PTCHD4: variants seen among roughly 807,000 people sequenced by gnomAD.
PTCHD4 encodes patched domain containing 4, also known as patched domain-containing protein 4.
PTCHD4 carries 33 observed loss-of-function variants against 58.1 expected under a neutral mutation model. That is an observed-to-expected ratio of 0.57 (90% CI 0.43 to 0.76). The LOEUF is 0.76. Ranked by LOEUF, PTCHD4 falls within the 30% of genes least tolerant of loss-of-function variation. The probability of loss-of-function intolerance (pLI) is 0.00; values close to 1 mark genes in which losing one functional copy is unlikely to be tolerated. For synonymous variants in PTCHD4, 478 were observed against 409.6 expected (o/e 1.17, Z -2.02); for missense variants, 1,058 against 1,027.1 (o/e 1.03, Z -0.41).
chr6:48,090,914 A>G (rs1765353246), intron 1 of PTCHD4, among the ~76,000 whole-genome samples: 1 of 152,206 alleles, frequency 6.6e-6, no homozygotes, highest in African/African-American at 2.4e-5. Flanking sequence ...TTTTTTTACA[A>G]CTTTAATTTG....
At chr6:47,907,795 A>T (rs1256627806) in intron 4 of PTCHD4, among the ~76,000 whole-genome samples, 3 of 152,066 alleles carry the variant, frequency 2.0e-5, no homozygotes, top group East Asian at 1.9e-4. Flanking sequence ...TTCCAATTCC[A>T]CCTGTGGCAA....
rs148847302 is a variant in PTCHD4 at position 47,914,744 on chromosome 6, T to TTATCTATC, written c.899-34816_899-34809dup. Among the ~76,000 whole-genome samples, 915 of 116,224 alleles carry TTATCTATC rather than the reference T, an allele frequency of 7.9e-3. 3 individuals carry two copies. The highest frequency in any genetic ancestry group is 9.3e-3 in the Non-Finnish European group (475 of 51,266). The allele number at this position is 116,224 out of a possible 152,430, so 76.2% of individuals were successfully genotyped here. A position where few individuals can be genotyped will look rare whatever the true frequency, so the allele number is the denominator to read the frequency against. ...TGTCTATCTATCTATTATCTATCTA[T>TTATCTATC]TATCTATCTATCTATCTATCTATCT... On this transcript the variant is annotated intron_variant, in intron 4 of 4. Transcript: ENST00000339488.
intron 4 of PTCHD4, among the ~76,000 whole-genome samples, chr6:47,972,411 T>C (rs1377004236): frequency 6.6e-6 from 1 of 152,128 alleles, no homozygotes; most frequent in East Asian, 1.9e-4. Flanking sequence ...TTTCAAAATA[T>C]TTTATGATAG....
chr6:47,890,935 C>A lies in PTCHD4; in HGVS notation c.899-10999G>T, dbSNP rs1266934903. On this transcript the variant is annotated intron_variant, in intron 4 of 4. Transcript: ENST00000339488. Reference sequence around the variant, plus strand: ...TTCGAAAATGAATATGGGCCGTTCACTGTGGCTCACACCTGTAATCCCAGC... The same window carrying A: ...TTCGAAAATGAATATGGGCCGTTCAATGTGGCTCACACCTGTAATCCCAGC... 4 of 977,360 alleles carry A rather than the reference C, an allele frequency of 4.1e-6. No individual in the cohort carries two copies. The African/African-American group carries it at 5.3e-5, about 13-fold the overall frequency. The allele number at this position is 977,360 out of a possible 1,614,324, so 60.5% of individuals were successfully genotyped here. A position where few individuals can be genotyped will look rare whatever the true frequency, so the allele number is the denominator to read the frequency against.
chr6:47,960,672 A>C (rs57241329), intron 4 of PTCHD4, among the ~76,000 whole-genome samples: 8,860 of 152,050 alleles, frequency 0.058, 425 homozygotes, highest in African/African-American at 0.13. Flanking sequence ...TAATCCTCCT[A>C]ATAATAACTA....
At chr6:47,893,069 G>A (rs1458823523) in intron 4 of PTCHD4, among the ~76,000 whole-genome samples, 1 of 152,172 alleles carries the variant, frequency 6.6e-6, no homozygotes, top group African/African-American at 2.4e-5. Flanking sequence ...GGAGTGCAGT[G>A]GTGCGATCTT....
chr6:48,091,282 A>G (rs186199782), intron 1 of PTCHD4, among the ~76,000 whole-genome samples: 3 of 151,874 alleles, frequency 2.0e-5, no homozygotes, highest in East Asian at 2.0e-4. Context: ...ATAATAAAAA[A>G]TAATAATAAA....
intron 3 of PTCHD4, among the ~76,000 whole-genome samples, chr6:48,063,011 A>G (rs1764683312): frequency 6.6e-6 from 1 of 152,142 alleles, no homozygotes; most frequent in Admixed American, 6.5e-5. Flanking sequence ...ACAGAAACCT[A>G]GGTCTCATAG....
chr6:47,926,282 T>C (rs1255956919), intron 4 of PTCHD4, among the ~76,000 whole-genome samples: 1 of 152,226 alleles, frequency 6.6e-6, no homozygotes, highest in East Asian at 1.9e-4. Context: ...TGGTGTACAA[T>C]ATATTATTCT....
intron 4 of PTCHD4, among the ~76,000 whole-genome samples, chr6:47,887,646 G>A (rs1764234231): frequency 6.6e-6 from 1 of 152,192 alleles, no homozygotes; most frequent in African/African-American, 2.4e-5. Flanking sequence ...TTCTTTGACA[G>A]GGTAGAAACA....
At position 48,063,988 on chromosome 6, in the gene PTCHD4, C is replaced by T. The variant is rs147568375; in HGVS notation, c.417+4242G>A. On this transcript the variant is annotated intron_variant, in intron 3 of 4. Transcript: ENST00000339488. ...CACCCAAAATGTACCCAAAGGAACA[C>T]TGTCTTCTGTTAAGAAGCAGGAAAG... 6.6e-5 allele frequency among the ~76,000 whole-genome samples: 10 copies of T among 152,278 alleles called. No individual in the cohort carries two copies. In the East Asian group the frequency reaches 1.9e-3, roughly 29 times the overall value.
Position 47,861,794 on chromosome 6 carries a change from C to A in PTCHD4, c.*16509G>T, listed in dbSNP as rs1763431895. Among the ~76,000 whole-genome samples the A allele has an allele frequency of 6.6e-6, 1 of 151,892 alleles. No homozygotes were observed. Among genetic ancestry groups the A allele is most frequent in the African/African-American group, 2.4e-5 (1 of 41,418 alleles). On this transcript the variant is annotated 3_prime_UTR_variant, in exon 5 of 5. Coordinates refer to ENST00000339488, the MANE Select transcript of PTCHD4 (RefSeq NM_001384253.1). ...TGAGACATTAAAGTATTCCGCTGAG[C>A]AATTTGAACTGCTTTGTCCCTCACA... is the stretch of plus-strand genomic sequence containing the variant.
At chr6:48,052,677 G>C (rs1764274327) in intron 3 of PTCHD4, among the ~76,000 whole-genome samples, 1 of 152,038 alleles carries the variant, frequency 6.6e-6, no homozygotes, top group Non-Finnish European at 1.5e-5. Flanking sequence ...GGCAGATACG[G>C]ATTCAACTAT....
chr6:47,964,676 A>G (rs1767219247), intron 4 of PTCHD4, among the ~76,000 whole-genome samples: 1 of 151,912 alleles, frequency 6.6e-6, no homozygotes, highest in African/African-American at 2.4e-5. Flanking sequence ...AAGTGTTGGT[A>G]CCTGCAACAA....
intron 4 of PTCHD4, among the ~76,000 whole-genome samples, chr6:47,914,667 T>C (rs933085760): frequency 1.3e-5 from 2 of 149,736 alleles, no homozygotes; most frequent in African/African-American, 4.9e-5. Context: ...AAGATTTTTA[T>C]ATAATAGAAC....
chr6:47,878,460 G>C lies in PTCHD4; in HGVS notation c.2375C>G (p.Thr792Arg). 6.2e-7 allele frequency: 1 copy of C among 1,613,466 alleles called. No homozygotes were observed. The highest frequency in any genetic ancestry group is 8.5e-7 in the Non-Finnish European group (1 of 1,179,678). Residue 792 changes from threonine (T) to arginine (R), a missense_variant, in exon 5 of 5, where the codon ACA becomes AGA. Thr to Arg is a moderately conservative substitution (Grantham distance 71). Transcript: ENST00000339488. ...FKCLLLTGGC[T>R]LLHCFVILPV... The stretch of plus-strand genomic sequence containing the variant: ...TAAAATAACAAAACAGTGCAGAAGT[G>C]TGCAACCCCCAGTGAGCAGCAAGCA...
chr6:48,033,093 A>G lies in PTCHD4; in HGVS notation c.418-23979T>C, dbSNP rs1763508500. Among the ~76,000 whole-genome samples the G allele has an allele frequency of 3.3e-5, 5 of 152,238 alleles. 1 individual carries two copies. In the South Asian group the frequency reaches 1.0e-3, roughly 32 times the overall value. On this transcript the variant is annotated intron_variant, in intron 3 of 4. Transcript: ENST00000339488. ...GACAGGGTTATGATTATAAAAAGAA[A>G]CCAATTGGTCTAATTTATACATGAA...
In PTCHD4 at chr6:47,868,564, TG is replaced by T. The variant is rs1276779400; in HGVS notation, c.*9738del. 6.6e-6 allele frequency among the ~76,000 whole-genome samples: 1 copy of T among 151,846 alleles called. No individual in the cohort carries two copies. The highest frequency in any genetic ancestry group is 1.5e-5 in the Non-Finnish European group (1 of 67,836). On this transcript the variant is annotated 3_prime_UTR_variant, in exon 5 of 5. Transcript: ENST00000339488. ...TACTGAACGTCTGCAAAGCAGACAT[TG>T]TGTGCTTCATAGTTTGGCATGTCAG...
chr6:47,931,923 G>T (rs1230787296), intron 4 of PTCHD4, among the ~76,000 whole-genome samples: 1 of 152,100 alleles, frequency 6.6e-6, no homozygotes, highest in East Asian at 1.9e-4. Flanking sequence ...GAGATTCAAA[G>T]GTGAAGTGAC....
Sources: allele counts gnomAD v4.1 joint callset (sites outside exome capture counted in the v4.1 genomes callset), GRCh38; gene constraint gnomAD v4.1.1; transcripts MANE v1.5; gene names NCBI Gene and HGNC (gene_info 2026-07-23, HGNC 2026-07-21).